CHCHD3: variants seen among roughly 807,000 people sequenced by gnomAD.
CHCHD3 encodes coiled-coil-helix-coiled-coil-helix domain containing 3, also known as MICOS complex subunit MIC19.
A neutral mutation model predicts 38.2 loss-of-function variants in CHCHD3; 20 were observed. That is an observed-to-expected ratio of 0.52 (90% CI 0.37 to 0.76). The LOEUF (loss-of-function observed/expected upper bound fraction) is 0.76. Among genes scored for constraint, CHCHD3 ranks in the 30% least tolerant of loss-of-function variants. The pLI is 0.00. For missense variants in CHCHD3, 245 were observed against 279.2 expected, an observed-to-expected ratio of 0.88 and a Z score of 0.87; for synonymous variants, 82 against 100.0, an observed-to-expected ratio of 0.82 and a Z score of 1.07.
At chr7:133,040,026 T>C (rs1267571643) in intron 2 of CHCHD3, among the ~76,000 whole-genome samples, 1 of 152,186 alleles carries the variant, frequency 6.6e-6, no homozygotes, top group East Asian at 1.9e-4. Flanking sequence ...GCCATGTAAC[T>C]TAGGGTCTCC....
chr7:133,077,922 C>G (rs1374209258), intron 1 of CHCHD3, among the ~76,000 whole-genome samples: 2 of 152,050 alleles, frequency 1.3e-5, no homozygotes, highest in Non-Finnish European at 2.9e-5. Flanking sequence ...AAAAATAACA[C>G]CTGGTAGGTG....
At chr7:133,026,309 A>C (rs1334191723) in intron 2 of CHCHD3, among the ~76,000 whole-genome samples, 3 of 152,144 alleles carry the variant, frequency 2.0e-5, no homozygotes, top group Admixed American at 2.0e-4. Flanking sequence ...CATTAGGAAA[A>C]TGCAAATCAA....
intron 2 of CHCHD3, among the ~76,000 whole-genome samples, chr7:133,062,965 C>T (rs1461526511): frequency 2.6e-5 from 4 of 152,166 alleles, no homozygotes; most frequent in African/African-American, 4.8e-5. Flanking sequence ...TCACAGAAAA[C>T]GATCGGAAGA....
intron 4 of CHCHD3, among the ~76,000 whole-genome samples, chr7:132,950,483 CA>C (rs977676358): frequency 6.6e-6 from 1 of 152,114 alleles, no homozygotes; most frequent in African/African-American, 2.4e-5. Flanking sequence ...ATATACCTTA[CA>C]AAACATTTGT....
intron 2 of CHCHD3, among the ~76,000 whole-genome samples, chr7:133,052,699 C>T (rs144812177): frequency 1.3e-5 from 2 of 152,284 alleles, no homozygotes; most frequent in African/African-American, 4.8e-5. Flanking sequence ...GTAATCAAAA[C>T]TGCATAGAGA....
Position 132,976,262 on chromosome 7 carries a change from A to G in CHCHD3, c.252-976T>C, listed in dbSNP as rs73724134. 9.7e-3 allele frequency among the ~76,000 whole-genome samples: 1,480 copies of G among 152,286 alleles called. 33 individuals carry two copies. The highest frequency in any genetic ancestry group is 0.034 in the African/African-American group (1,418 of 41,542). ...CCAATCGATCTGTTAGCTCCAAACT[A>G]AACCTAACCCTCCAGACATGCTCTA... On this transcript the variant is annotated intron_variant, in intron 3 of 7. Coordinates refer to ENST00000262570, the MANE Select transcript of CHCHD3 (RefSeq NM_017812.4).
intron 6 of CHCHD3, among the ~76,000 whole-genome samples, chr7:132,831,026 A>G (rs1258751693): frequency 2.0e-5 from 3 of 152,306 alleles, no homozygotes; most frequent in Non-Finnish European, 2.9e-5. Context: ...AAAAAGGCCC[A>G]ATACAAATGC....
intron 3 of CHCHD3, among the ~76,000 whole-genome samples, chr7:133,017,839 CTG>C (rs926729326): frequency 2.0e-5 from 3 of 152,172 alleles, no homozygotes; most frequent in African/African-American, 7.2e-5. Context: ...ACTTCTATCA[CTG>C]TTGGTTATAA....
chr7:132,934,836 T>A (rs186550419), intron 4 of CHCHD3, among the ~76,000 whole-genome samples: 209 of 152,326 alleles, frequency 1.4e-3, no homozygotes, highest in Non-Finnish European at 2.3e-3. Flanking sequence ...GGGTACAAGA[T>A]GATAAAGATG....
chr7:132,815,071 A>C (rs1807162463), intron 6 of CHCHD3, among the ~76,000 whole-genome samples: 2 of 152,234 alleles, frequency 1.3e-5, no homozygotes, highest in African/African-American at 4.8e-5. Context: ...TGTATAATGA[A>C]ATAAAGCAAT....
At chr7:133,070,789 G>T (rs1814799645) in intron 1 of CHCHD3, among the ~76,000 whole-genome samples, 1 of 152,138 alleles carries the variant, frequency 6.6e-6, no homozygotes, top group Non-Finnish European at 1.5e-5. Context: ...CAACCATCAG[G>T]CATTTAAATA....
chr7:132,859,578 CTTTG>C (rs1291094357), intron 5 of CHCHD3, among the ~76,000 whole-genome samples: 2 of 152,218 alleles, frequency 1.3e-5, no homozygotes, highest in South Asian at 2.1e-4. Context: ...TAGCCAGAGA[CTTTG>C]TTTGTAGAAG....
chr7:132,888,598 G>C (rs1809276910), intron 4 of CHCHD3, among the ~76,000 whole-genome samples: 1 of 151,826 alleles, frequency 6.6e-6, no homozygotes, highest in Admixed American at 6.6e-5. Flanking sequence ...AAATATAAGA[G>C]TATTTACATC....
intron 4 of CHCHD3, among the ~76,000 whole-genome samples, chr7:132,954,627 A>G (rs1005043559): frequency 2.0e-5 from 3 of 151,974 alleles, no homozygotes; most frequent in African/African-American, 7.3e-5. Context: ...GGACTCTACA[A>G]TGTTCAGAGA....
At chr7:132,883,283 G>A (rs868416840) in intron 5 of CHCHD3, among the ~76,000 whole-genome samples, 1 of 152,194 alleles carries the variant, frequency 6.6e-6, no homozygotes, top group Non-Finnish European at 1.5e-5. Flanking sequence ...TGGTTACTCT[G>A]TGCTACATAC....
intron 5 of CHCHD3, among the ~76,000 whole-genome samples, chr7:132,856,876 T>A (rs1338678433): frequency 1.3e-5 from 2 of 152,218 alleles, no homozygotes; most frequent in African/African-American, 4.8e-5. Context: ...CTGCTGCATT[T>A]CCTGGGGGTT....
chr7:133,029,149 T>C (rs891724585), intron 2 of CHCHD3, among the ~76,000 whole-genome samples: 1 of 152,192 alleles, frequency 6.6e-6, no homozygotes, highest in African/African-American at 2.4e-5. Flanking sequence ...GTTTGGTTTT[T>C]CCAGCTTTAT....
At chr7:132,984,143 G>T (rs1247647409) in intron 3 of CHCHD3, among the ~76,000 whole-genome samples, 2 of 151,264 alleles carry the variant, frequency 1.3e-5, no homozygotes, top group African/African-American at 4.9e-5. Flanking sequence ...CTGCCATCTC[G>T]GCTCACTGCA....
chr7:133,081,721 C>T, intron 1 of CHCHD3, 136 bp downstream of exon 1: 3 of 808,564 alleles, frequency 3.7e-6, no homozygotes, highest in East Asian at 5.4e-5. Context: ...TAGGCTTCTT[C>T]CCAGACACCT....
Sources: allele counts gnomAD v4.1 joint callset (sites outside exome capture counted in the v4.1 genomes callset), GRCh38; gene constraint gnomAD v4.1.1; transcripts MANE v1.5; gene names NCBI Gene and HGNC (gene_info 2026-07-23, HGNC 2026-07-21).